Variants in DMD observed in about 807,000 individuals in gnomAD.
DMD encodes dystrophin.
In DMD, 63 loss-of-function variants were observed where a neutral mutation model predicts 330.1. The observed-to-expected ratio is 0.19, with a 90% CI of 0.16 to 0.24. DMD has a LOEUF of 0.24. Ranked by LOEUF, DMD falls within the 10% of genes least tolerant of loss-of-function variation. DMD has a pLI of 1.00. For missense variants in DMD, 3,344 were observed against 2,684.1 expected, an observed-to-expected ratio of 1.25 and a Z score of -5.43; for synonymous variants, 1,223 against 959.8, an observed-to-expected ratio of 1.27 and a Z score of -5.07.
At chrX:31,630,183 C>T (rs747973138) in intron 54 of DMD, among the ~76,000 whole-genome samples, 20 of 111,357 alleles carry the variant, frequency 1.8e-4, no homozygotes, top group African/African-American at 5.9e-4. Flanking sequence ...AGAGTTCTAC[C>T]GAGACAATGT....
chrX:32,860,535 A>G (rs745941093), intron 2 of DMD, among the ~76,000 whole-genome samples: 1 of 111,558 alleles, frequency 9.0e-6, no homozygotes, highest in Non-Finnish European at 1.9e-5. Flanking sequence ...TCCCAGAAAA[A>G]TAAGGCAACC....
intron 48 of DMD, among the ~76,000 whole-genome samples, chrX:31,858,706 C>T (rs981528031): frequency 3.6e-5 from 4 of 110,724 alleles, no homozygotes; most frequent in African/African-American, 9.8e-5. Context: ...GTTCAAATAA[C>T]ATCTGTTCAG....
chrX:32,141,635 T>G (rs1032756165), intron 44 of DMD, among the ~76,000 whole-genome samples: 9 of 108,448 alleles, frequency 8.3e-5, no homozygotes, highest in African/African-American at 3.0e-4. Flanking sequence ...TTTAAAATTT[T>G]ATTTATAAGA....
chrX:32,664,713 G>T (rs1307888425), intron 9 of DMD, among the ~76,000 whole-genome samples: 2 of 111,772 alleles, frequency 1.8e-5, no homozygotes, highest in Non-Finnish European at 3.8e-5. Flanking sequence ...TTTTACATAG[G>T]GTAAATTTGA....
At chrX:32,695,092 A>T (rs980379219) in intron 9 of DMD, among the ~76,000 whole-genome samples, 4 of 112,655 alleles carry the variant, frequency 3.6e-5, no homozygotes, top group African/African-American at 1.3e-4. Flanking sequence ...CCTGGCACAT[A>T]ATAGGTGATT....
intron 1 of DMD, among the ~76,000 whole-genome samples, chrX:33,036,918 A>T (rs954522385): frequency 9.0e-6 from 1 of 110,711 alleles, no homozygotes; most frequent in Non-Finnish European, 1.9e-5. Context: ...CAACTGCGAG[A>T]TATAAATATA....
At chrX:32,135,136 T>C (rs992796475) in intron 44 of DMD, among the ~76,000 whole-genome samples, 2 of 112,258 alleles carry the variant, frequency 1.8e-5, no homozygotes, top group South Asian at 3.7e-4. Flanking sequence ...TTCATCTACA[T>C]TTCCCCAAAC....
intron 22 of DMD, 35 bp from the exon 23 acceptor site, chrX:32,468,745 T>A: frequency 9.3e-7 from 1 of 1,080,962 alleles, no homozygotes; most frequent in Non-Finnish European, 1.3e-6. Flanking sequence ...TTTACCCTAA[T>A]TGATGAATAA....
chrX:31,687,351 G>A (rs1488712097), intron 52 of DMD, among the ~76,000 whole-genome samples: 1 of 111,586 alleles, frequency 9.0e-6, no homozygotes, highest in Admixed American at 9.5e-5. Context: ...AGGCAGAGAA[G>A]CAGGCAGGCT....
At chrX:31,999,545 T>A (rs1488327929) in intron 44 of DMD, among the ~76,000 whole-genome samples, 2 of 111,939 alleles carry the variant, frequency 1.8e-5, no homozygotes, top group Non-Finnish European at 3.8e-5. Context: ...TGATAATTTC[T>A]TACATATCTT....
At chrX:31,919,842 G>T (rs986257137) in intron 47 of DMD, among the ~76,000 whole-genome samples, 4 of 112,141 alleles carry the variant, frequency 3.6e-5, no homozygotes, top group African/African-American at 1.3e-4. Context: ...GATAAATGAG[G>T]GGAATGCTGA....
chrX:31,297,014 C>A (rs144444059), intron 62 of DMD, among the ~76,000 whole-genome samples: 1 of 111,037 alleles, frequency 9.0e-6, no homozygotes, highest in African/African-American at 3.3e-5. Context: ...TTCTAAAGCC[C>A]GTATTTAATT....
At chrX:32,869,943 C>T (rs1035164477) in intron 2 of DMD, among the ~76,000 whole-genome samples, 4 of 109,303 alleles carry the variant, frequency 3.7e-5, no homozygotes, top group Non-Finnish European at 7.6e-5. Context: ...CTATTCAACA[C>T]TGTATTGGAA....
At chrX:33,328,577 T>G (rs2054123643) in intron 1 of DMD, among the ~76,000 whole-genome samples, 1 of 111,430 alleles carries the variant, frequency 9.0e-6, no homozygotes, top group African/African-American at 3.3e-5. Context: ...ATCAATGAGA[T>G]TAATCACGCA....
chrX:32,408,077 A>G lies in DMD; in HGVS notation c.4233+3675T>C, dbSNP rs751772373. ...AACATGGCACATGTATACATATGCA[A>G]CTAACCTGCACGTTGTGCACATGTA... is the stretch of plus-strand genomic sequence containing the variant. On this transcript the variant is annotated intron_variant, in intron 30 of 78. Transcript: ENST00000357033. Among the ~76,000 whole-genome samples the G allele has an allele frequency of 5.6e-4, 62 of 110,632 alleles. 1 individual carries two copies. The highest frequency in any genetic ancestry group is 1.1e-4 in the Non-Finnish European group (6 of 52,872).
chrX:31,146,483 T>C (rs2036713410), intron 75 of DMD, 69 bp from the exon 76 acceptor site: 1 of 1,078,433 alleles, frequency 9.3e-7, no homozygotes, highest in South Asian at 2.0e-5. Context: ...TTTCAAAATA[T>C]GATACACACT....
intron 25 of DMD, among the ~76,000 whole-genome samples, chrX:32,461,483 T>A (rs930206871): frequency 4.5e-5 from 5 of 111,512 alleles, no homozygotes; most frequent in Non-Finnish European, 7.5e-5. Flanking sequence ...TATAGCTTTT[T>A]TGCTATGCAA....
chrX:31,559,425 G>A lies in DMD; in HGVS notation c.8218-51972C>T, dbSNP rs1253227141. Among the ~76,000 whole-genome samples, 3 of 95,792 alleles carry A rather than the reference G, an allele frequency of 3.1e-5. 1 individual carries two copies. The highest frequency in any genetic ancestry group is 1.2e-4 in the Admixed American group (1 of 8,440). The allele number at this position is 95,792 out of a possible 115,157, so 83.2% of individuals were successfully genotyped here. A position where few individuals can be genotyped will look rare whatever the true frequency, so the allele number is the denominator to read the frequency against. On this transcript the variant is annotated intron_variant, in intron 55 of 78. Coordinates refer to ENST00000357033, the MANE Select transcript of DMD (RefSeq NM_004006.3). Reference sequence around the variant, plus strand: ...TGGGAGGCCGAGACGGGCGGATCACGAGGTCAGGAGATCGAGACCATCCTG... The same window carrying A: ...TGGGAGGCCGAGACGGGCGGATCACAAGGTCAGGAGATCGAGACCATCCTG...
chrX:32,870,212 T>C (rs959702655), intron 2 of DMD, among the ~76,000 whole-genome samples: 1 of 111,225 alleles, frequency 9.0e-6, no homozygotes, highest in African/African-American at 3.3e-5. Flanking sequence ...ATAAAGTAAG[T>C]AGGAATACAG....
Sources: gnomAD v4.1 joint callset for allele counts (sites outside exome capture counted in the v4.1 genomes callset) on GRCh38, gnomAD v4.1.1 for gene constraint, MANE v1.5 for transcripts, NCBI Gene and HGNC (gene_info 2026-07-23, HGNC 2026-07-21) for gene names.